SPAG16: variants seen among roughly 807,000 people sequenced by gnomAD.
SPAG16 encodes the protein sperm-associated antigen 16 protein.
Under a neutral mutation model 80.4 loss-of-function variants are expected in SPAG16, and 86 were observed. That is an observed-to-expected ratio of 1.07 (90% CI 0.90 to 1.28). SPAG16 has a LOEUF of 1.28. Ranked by LOEUF, SPAG16 falls within the 50% of genes most tolerant of loss-of-function variation. SPAG16 has a pLI of 0.00. For missense variants in SPAG16, 870 were observed against 765.3 expected (o/e 1.14, Z -1.61); for synonymous variants, 294 against 265.9 (o/e 1.11, Z -1.03).
chr2:213,654,037 T>C (rs1300771963), intron 10 of SPAG16, among the ~76,000 whole-genome samples: 1 of 152,186 alleles, frequency 6.6e-6, no homozygotes, highest in Non-Finnish European at 1.5e-5. Context: ...AATATAGAAA[T>C]TGATAGACTA....
intron 13 of SPAG16, among the ~76,000 whole-genome samples, chr2:214,068,301 G>T (rs1451877845): frequency 6.6e-6 from 1 of 152,126 alleles, no homozygotes; most frequent in Non-Finnish European, 1.5e-5. Flanking sequence ...GGGAATTACA[G>T]AAAATAAGCA....
At chr2:213,566,915 G>A (rs141262318) in intron 10 of SPAG16, among the ~76,000 whole-genome samples, 3 of 152,066 alleles carry the variant, frequency 2.0e-5, no homozygotes, top group African/African-American at 7.2e-5. Flanking sequence ...TAAATTTTCT[G>A]AACACATCTT....
At chr2:213,318,190 T>C (rs929140641) in intron 5 of SPAG16, among the ~76,000 whole-genome samples, 30 of 151,988 alleles carry the variant, frequency 2.0e-4, no homozygotes, top group African/African-American at 7.0e-4. Flanking sequence ...GTATAAAAAT[T>C]CCACCCACAC....
chr2:214,112,165 G>T (rs138061959), intron 14 of SPAG16, among the ~76,000 whole-genome samples: 1 of 152,128 alleles, frequency 6.6e-6, no homozygotes, highest in Admixed American at 6.6e-5. Flanking sequence ...ATTGCACTGT[G>T]GTCTGAGAGA....
chr2:213,737,181 A>G (rs2067319190), intron 10 of SPAG16, among the ~76,000 whole-genome samples: 1 of 152,168 alleles, frequency 6.6e-6, no homozygotes, highest in Non-Finnish European at 1.5e-5. Context: ...TATGGCTGAT[A>G]ACTTTCTAGA....
intron 1 of SPAG16, chr2:213,285,874 A>G (rs2062035965): frequency 7.8e-7 from 1 of 1,288,802 alleles, no homozygotes; most frequent in Non-Finnish European, 1.0e-6. Flanking sequence ...GATTTTCATA[A>G]TTCTTCCTAA....
intron 13 of SPAG16, among the ~76,000 whole-genome samples, chr2:214,056,193 A>G (rs2049932656): frequency 6.6e-6 from 1 of 152,066 alleles, no homozygotes; most frequent in South Asian, 2.1e-4. Context: ...GTCCATACAC[A>G]CAAAATGGAA....
At chr2:213,715,505 G>C (rs2066202144) in intron 10 of SPAG16, among the ~76,000 whole-genome samples, 1 of 152,124 alleles carries the variant, frequency 6.6e-6, no homozygotes, top group Non-Finnish European at 1.5e-5. Flanking sequence ...AGCACCGTGT[G>C]TATATCCTGG....
At chr2:213,312,513 A>G (rs1156932850) in intron 4 of SPAG16, among the ~76,000 whole-genome samples, 1 of 151,662 alleles carries the variant, frequency 6.6e-6, no homozygotes, top group Admixed American at 6.6e-5. Flanking sequence ...TTTGCCTCTT[A>G]CTACACTTCT....
chr2:213,955,356 T>C (rs1010469658), intron 12 of SPAG16, among the ~76,000 whole-genome samples: 110 of 152,198 alleles, frequency 7.2e-4, no homozygotes, highest in African/African-American at 2.6e-3. Context: ...TTTTGGTCTA[T>C]GTTATAAAGA....
At chr2:213,698,514 A>G (rs2065255984) in intron 10 of SPAG16, among the ~76,000 whole-genome samples, 1 of 152,142 alleles carries the variant, frequency 6.6e-6, no homozygotes, top group South Asian at 2.1e-4. Flanking sequence ...CGCCTTCCTC[A>G]GCCTCCCAAA....
intron 14 of SPAG16, among the ~76,000 whole-genome samples, chr2:214,131,008 A>T (rs541917052): frequency 2.0e-5 from 3 of 152,274 alleles, no homozygotes; most frequent in Non-Finnish European, 2.9e-5. Context: ...GCAGCCAGGA[A>T]GTTGGGCCAG....
chr2:214,104,275 TACAGGGCCTTAAGAC>T (rs1216840646), intron 13 of SPAG16, among the ~76,000 whole-genome samples: 1 of 152,114 alleles, frequency 6.6e-6, no homozygotes, highest in Non-Finnish European at 1.5e-5. Flanking sequence ...AGCCGAACAA[TACAGGGCCTTAAGAC>T]ACAGGCAGAG....
At chr2:214,347,523 T>A (rs2126042213) in intron 15 of SPAG16, among the ~76,000 whole-genome samples, 1 of 152,270 alleles carries the variant, frequency 6.6e-6, no homozygotes, top group South Asian at 2.1e-4. Context: ...TATTAAGATG[T>A]TAGAAGGACT....
intron 10 of SPAG16, among the ~76,000 whole-genome samples, chr2:213,779,055 T>A (rs1445627762): frequency 6.6e-6 from 1 of 152,234 alleles, no homozygotes; most frequent in Non-Finnish European, 1.5e-5. Flanking sequence ...CCACTAAACC[T>A]GCACAAATGC....
intron 15 of SPAG16, among the ~76,000 whole-genome samples, chr2:214,327,784 A>T (rs1696597482): frequency 6.6e-6 from 1 of 152,042 alleles, no homozygotes; most frequent in Non-Finnish European, 1.5e-5. Flanking sequence ...AAGAAGAAAA[A>T]CTTTGGTATA....
At chr2:213,740,641 A>G (rs1216282791) in intron 10 of SPAG16, among the ~76,000 whole-genome samples, 1 of 152,214 alleles carries the variant, frequency 6.6e-6, no homozygotes, top group Admixed American at 6.5e-5. Context: ...GACTTCTACT[A>G]GTTATAGGGC....
At chr2:214,254,238 C>T (rs1690513275) in intron 15 of SPAG16, among the ~76,000 whole-genome samples, 1 of 152,120 alleles carries the variant, frequency 6.6e-6, no homozygotes, top group African/African-American at 2.4e-5. Flanking sequence ...CAAACAGAGA[C>T]AATTTGACTT....
intron 11 of SPAG16, among the ~76,000 whole-genome samples, chr2:213,873,736 T>C (rs1264552424): frequency 2.0e-5 from 3 of 152,098 alleles, no homozygotes; most frequent in Non-Finnish European, 2.9e-5. Flanking sequence ...AATTTCTTTT[T>C]TGGCCGATTG....
Sources: gnomAD v4.1 joint callset for allele counts (sites outside exome capture counted in the v4.1 genomes callset) on GRCh38, gnomAD v4.1.1 for gene constraint, MANE v1.5 for transcripts, NCBI Gene and HGNC (gene_info 2026-07-23, HGNC 2026-07-21) for gene names.